Variants in GRID2 observed in about 807,000 individuals in gnomAD.
GRID2 encodes glutamate ionotropic receptor delta type subunit 2, also known as glutamate receptor ionotropic, delta-2.
A neutral mutation model predicts 114.8 loss-of-function variants in GRID2; 33 were observed. That is an observed-to-expected ratio of 0.29 (90% CI 0.22 to 0.38). GRID2 has a LOEUF of 0.38. Ranked by LOEUF, GRID2 falls within the 10% of genes least tolerant of loss-of-function variation. The pLI is 1.00. For synonymous variants in GRID2, 505 were observed against 449.9 expected, an observed-to-expected ratio of 1.12 and a Z score of -1.55; for missense variants, 1,184 against 1,257.7, an observed-to-expected ratio of 0.94 and a Z score of 0.89.
intron 13 of GRID2, among the ~76,000 whole-genome samples, chr4:93,550,312 C>T (rs1243606684): frequency 6.6e-6 from 1 of 152,124 alleles, no homozygotes; most frequent in African/African-American, 2.4e-5. Flanking sequence ...ACAAACACAC[C>T]TCTCATGACA....
intron 1 of GRID2, among the ~76,000 whole-genome samples, chr4:92,543,864 C>G (rs887665605): frequency 9.2e-5 from 14 of 152,116 alleles, no homozygotes; most frequent in African/African-American, 3.4e-4. Context: ...CAGTTATTAT[C>G]AGAGGGAAGC....
intron 2 of GRID2, among the ~76,000 whole-genome samples, chr4:92,939,897 A>G (rs1750970709): frequency 6.8e-6 from 1 of 146,876 alleles, no homozygotes; most frequent in Non-Finnish European, 1.5e-5. Context: ...ATTATTTCTG[A>G]GGGCTCTCTT....
At chr4:92,479,380 C>T (rs1344015361) in intron 1 of GRID2, among the ~76,000 whole-genome samples, 1 of 152,006 alleles carries the variant, frequency 6.6e-6, no homozygotes, top group Non-Finnish European at 1.5e-5. Context: ...CTATTACAAA[C>T]TGTGGTTATA....
chr4:92,495,194 A>G (rs1723328233), intron 1 of GRID2, among the ~76,000 whole-genome samples: 1 of 152,006 alleles, frequency 6.6e-6, no homozygotes, highest in Non-Finnish European at 1.5e-5. Context: ...CAGTTTCTTA[A>G]CCATAAAATT....
At chr4:92,450,890 T>G (rs1720889317) in intron 1 of GRID2, among the ~76,000 whole-genome samples, 1 of 144,690 alleles carries the variant, frequency 6.9e-6, no homozygotes, top group Non-Finnish European at 1.5e-5. Flanking sequence ...TAAATAAATA[T>G]TCAAATAAAA....
At chr4:93,476,878 A>G (rs1307410253) in intron 11 of GRID2, among the ~76,000 whole-genome samples, 1 of 152,154 alleles carries the variant, frequency 6.6e-6, no homozygotes, top group African/African-American at 2.4e-5. Context: ...GATACTGGAA[A>G]TGAGAACAGA....
chr4:92,960,247 G>A (rs1186346878), intron 2 of GRID2, among the ~76,000 whole-genome samples: 1 of 151,954 alleles, frequency 6.6e-6, no homozygotes, highest in Non-Finnish European at 1.5e-5. Context: ...GATGTTGAAT[G>A]AAGTACCCAA....
chr4:92,530,335 A>G (rs1270837855), intron 1 of GRID2, among the ~76,000 whole-genome samples: 4 of 151,978 alleles, frequency 2.6e-5, no homozygotes, highest in Non-Finnish European at 5.9e-5. Context: ...ACTAAAAGTA[A>G]TGCCTTGTTG....
chr4:93,282,142 G>C (rs1297177970), intron 8 of GRID2, among the ~76,000 whole-genome samples: 2 of 151,944 alleles, frequency 1.3e-5, no homozygotes, highest in African/African-American at 2.4e-5. Context: ...TGATTCTACT[G>C]TATAGAGTAG....
intron 1 of GRID2, among the ~76,000 whole-genome samples, chr4:92,351,503 T>C (rs1728068497): frequency 6.6e-6 from 1 of 151,806 alleles, no homozygotes; most frequent in African/African-American, 2.4e-5. Flanking sequence ...TTTGTTTGTG[T>C]TGGGATCTTT....
At chr4:93,756,348 T>G (rs969115711) in intron 14 of GRID2, among the ~76,000 whole-genome samples, 2 of 152,210 alleles carry the variant, frequency 1.3e-5, no homozygotes, top group African/African-American at 4.8e-5. Flanking sequence ...TATTTCACAA[T>G]CTATGTTTCT....
At chr4:93,027,805 T>C (rs1167593165) in intron 2 of GRID2, among the ~76,000 whole-genome samples, 7 of 152,126 alleles carry the variant, frequency 4.6e-5, no homozygotes, top group Non-Finnish European at 1.0e-4. Flanking sequence ...ATTTGATATT[T>C]TTCCATGGCA....
chr4:92,475,590 TG>T (rs1722265980), intron 1 of GRID2, among the ~76,000 whole-genome samples: 1 of 151,990 alleles, frequency 6.6e-6, no homozygotes, highest in Admixed American at 6.6e-5. Flanking sequence ...TAGTATTTTT[TG>T]AAATCCAGGT....
chr4:92,998,348 C>T (rs758768945), intron 2 of GRID2, among the ~76,000 whole-genome samples: 1 of 151,932 alleles, frequency 6.6e-6, no homozygotes, highest in Non-Finnish European at 1.5e-5. Flanking sequence ...ATTATATTCT[C>T]TACATCATAA....
rs61653263 is a variant in GRID2, at chr4:92,548,401, A to ATT, written c.89-41713_89-41712dup. 4.4e-4 allele frequency among the ~76,000 whole-genome samples: 27 copies of ATT among 60,790 alleles called. 5 individuals carry two copies. The highest frequency in any genetic ancestry group is 2.0e-3 in the African/African-American group (23 of 11,758). 39.9% of individuals were successfully genotyped at this position (60,790 alleles called of 152,430 possible). ...ATGAAGACATTTCTGAGACTGTGTA[A>ATT]TTTTTTTTTTTTTTTTTTGAGACAG... On this transcript the variant is annotated intron_variant, in intron 1 of 15. Transcript: ENST00000282020.
intron 9 of GRID2, among the ~76,000 whole-genome samples, chr4:93,401,038 G>A (rs1471659368): frequency 6.6e-6 from 1 of 151,924 alleles, no homozygotes; most frequent in Non-Finnish European, 1.5e-5. Flanking sequence ...TCGCTATGTT[G>A]CCCAAGCTGG....
intron 13 of GRID2, among the ~76,000 whole-genome samples, chr4:93,598,385 A>G (rs941965256): frequency 9.3e-5 from 14 of 151,336 alleles, no homozygotes; most frequent in Non-Finnish European, 1.9e-4. Flanking sequence ...ATTCCTTCTC[A>G]TGCTTCCTTT....
chr4:92,747,769 A>AC (rs1737225932), intron 2 of GRID2, among the ~76,000 whole-genome samples: 1 of 152,130 alleles, frequency 6.6e-6, no homozygotes, highest in East Asian at 1.9e-4. Flanking sequence ...ATTCAATAAT[A>AC]TTTATTATTA....
At chr4:93,607,787 C>T (rs563383495) in intron 13 of GRID2, among the ~76,000 whole-genome samples, 48 of 152,134 alleles carry the variant, frequency 3.2e-4, no homozygotes, top group Admixed American at 2.5e-3. Flanking sequence ...GGGTATTTTT[C>T]ATATGCTGTT....
Sources: allele counts gnomAD v4.1 joint callset (sites outside exome capture counted in the v4.1 genomes callset), GRCh38; gene constraint gnomAD v4.1.1; transcripts MANE v1.5; gene names NCBI Gene and HGNC (gene_info 2026-07-23, HGNC 2026-07-21).